The following SLC13A4 variants were observed in gnomAD, a reference collection of about 807,000 sequenced individuals.
The protein encoded by SLC13A4 is solute carrier family 13 member 4.
SLC13A4 carries 28 observed loss-of-function variants against 72.7 expected under a neutral mutation model. The ratio of observed to expected loss-of-function variants is 0.39; its 90% CI spans 0.29 to 0.53. SLC13A4 has a LOEUF of 0.53. Ranked by LOEUF, SLC13A4 falls within the 20% of genes least tolerant of loss-of-function variation. SLC13A4 has a pLI of 0.78. For missense variants in SLC13A4, 653 were observed against 788.0 expected (o/e 0.83, Z 2.05); for synonymous variants, 312 against 325.5 (o/e 0.96, Z 0.45).
intron 3 of SLC13A4, chr7:135,707,883 G>C (rs1343956976): frequency 1.1e-5 from 5 of 475,886 alleles, no homozygotes; most frequent in Non-Finnish European, 1.8e-5. Context: ...TTGCAGCCTA[G>C]GTCAATGGGT....
chr7:135,690,180 CAAAAAAA>C (rs57390577), intron 13 of SLC13A4, among the ~76,000 whole-genome samples: 7 of 29,610 alleles, frequency 2.4e-4, no homozygotes, highest in East Asian at 2.4e-3. Context: ...GACTCTGTCT[CAAAAAAA>C]AAAAAAAAAA....
At chr7:135,718,962 G>T (rs149310510) in intron 2 of SLC13A4, among the ~76,000 whole-genome samples, 1 of 152,302 alleles carries the variant, frequency 6.6e-6, no homozygotes, top group Non-Finnish European at 1.5e-5. Flanking sequence ...AGCTAAGAAG[G>T]TCAGCTAAAC....
At chr7:135,705,574 G>A (rs749436415) in intron 5 of SLC13A4, 22 bp downstream of exon 5, 1 of 1,612,420 alleles carries the variant, frequency 6.2e-7, no homozygotes, top group Non-Finnish European at 8.5e-7. Context: ...GGCGCTGTCT[G>A]GGAGAGGGCA....
intron 2 of SLC13A4, among the ~76,000 whole-genome samples, chr7:135,709,742 A>G (rs1478227554): frequency 1.3e-5 from 2 of 152,152 alleles, no homozygotes; most frequent in African/African-American, 4.8e-5. Context: ...CAGACTTTGA[A>G]GCCCAGTTCA....
intron 7 of SLC13A4, 133 bp downstream of exon 7, chr7:135,701,547 A>G: frequency 7.1e-6 from 6 of 849,438 alleles, no homozygotes; most frequent in Non-Finnish European, 1.2e-5. Context: ...CAGGCCAGAC[A>G]TGTATGAGAG....
At chr7:135,696,054 A>T (rs983168555) in intron 8 of SLC13A4, among the ~76,000 whole-genome samples, 1 of 152,182 alleles carries the variant, frequency 6.6e-6, no homozygotes, top group Non-Finnish European at 1.5e-5. Context: ...CAGCAGGCAG[A>T]GCTGTGGCCC....
intron 7 of SLC13A4, among the ~76,000 whole-genome samples, chr7:135,701,426 C>T (rs1191369177): frequency 7.4e-6 from 1 of 135,978 alleles, no homozygotes; most frequent in Non-Finnish European, 1.6e-5. Context: ...AGTTTGAGGA[C>T]CTCTGATCTA....
chr7:135,724,365 C>T (rs193268847), intron 1 of SLC13A4, among the ~76,000 whole-genome samples: 1,702 of 147,886 alleles, frequency 0.012, 30 homozygotes, highest in African/African-American at 0.043. Flanking sequence ...GGTGTGGTGG[C>T]ACATGCCTGT....
chr7:135,703,748 G>T (rs3112350), intron 5 of SLC13A4: 37,944 of 152,178 alleles, frequency 0.25, 5,261 homozygotes, highest in East Asian at 0.46. Flanking sequence ...ACACATGCGG[G>T]ATGTGGGTCC....
At chr7:135,715,410 TGTGTGTATGA>T (rs57682413) in intron 2 of SLC13A4, among the ~76,000 whole-genome samples, 27,133 of 145,168 alleles carry the variant, frequency 0.19, 2,649 homozygotes, top group Admixed American at 0.31. Flanking sequence ...TGTGTATGAG[TGTGTGTATGA>T]GTGTGTGAGC....
Position 135,721,499 on chromosome 7 carries a change from T to A in SLC13A4, c.124A>T (p.Ile42Phe). 5 of 1,614,054 alleles carry A rather than the reference T, an allele frequency of 3.1e-6. No individual in the cohort carries two copies. Among genetic ancestry groups the A allele is most frequent in the Non-Finnish European group, 4.2e-6 (5 of 1,179,956 alleles). ...SSEASCAYVLIVTAVYWVSEA... is the reference protein window; with the variant it reads ...SSEASCAYVLFVTAVYWVSEA... ...GACACCCAGTACACAGCAGTCACGA[T>A]CAGCACGTAAGCACACGAGGCCTCC... The change falls in exon 2 of 16, where the codon ATC (isoleucine) becomes TTC (phenylalanine). Residue 42 changes from isoleucine (I) to phenylalanine (F), a missense_variant. By Grantham distance (21) the Ile-to-Phe change is conservative. Coordinates refer to ENST00000682651, the MANE Select transcript of SLC13A4 (RefSeq NM_001318192.2).
chr7:135,721,737 C>T (rs1008814119), intron 1 of SLC13A4, among the ~76,000 whole-genome samples: 3 of 152,166 alleles, frequency 2.0e-5, no homozygotes, highest in African/African-American at 4.8e-5. Flanking sequence ...CTTCGGGGAC[C>T]GATGCCTGGC....
chr7:135,687,424 T>G lies in SLC13A4; in HGVS notation c.1447-1741A>C, dbSNP rs988412393. ...TGCCAGCATGTTACTTTTTCTCCTC[T>G]CTTCCAAATTCATCAAAAGCTCATT... On this transcript the variant is annotated intron_variant, in intron 13 of 15. Transcript: ENST00000682651. Among the ~76,000 whole-genome samples the G allele has an allele frequency of 2.0e-5, 3 of 152,232 alleles. No individual in the cohort carries two copies. The South Asian group carries it at 6.2e-4, about 31-fold the overall frequency.
chr7:135,722,779 C>G (rs1317117213), intron 1 of SLC13A4, among the ~76,000 whole-genome samples: 1 of 152,100 alleles, frequency 6.6e-6, no homozygotes, highest in Non-Finnish European at 1.5e-5. Flanking sequence ...TGTTTTGCAT[C>G]TAGAGACTGA....
intron 10 of SLC13A4, 105 bp from the exon 11 acceptor site, chr7:135,692,529 CAT>C: frequency 1.4e-6 from 1 of 720,634 alleles, no homozygotes; most frequent in Non-Finnish European, 2.3e-6. Flanking sequence ...ATACCCTAGA[CAT>C]AAAACACACT....
chr7:135,706,281 A>G lies in SLC13A4; in HGVS notation c.385T>C (p.Cys129Arg), dbSNP rs997166721. The change falls in exon 4 of 16, where the codon TGC (cysteine) becomes CGC (arginine). Residue 129 changes from cysteine (C) to arginine (R), a missense_variant. Transcript: ENST00000682651. The stretch of plus-strand genomic sequence containing the variant: ...CACATGGACAGCAACGTGGTACAGC[A>G]CATGAAGCAGAGCAGCAGCCTGGAA... Reference protein sequence around the residue: ...KPGMLLLCFMCCTTLLSMWLS... With the variant: ...KPGMLLLCFMRCTTLLSMWLS... 1.9e-6 allele frequency: 3 copies of G among 1,609,826 alleles called. No homozygotes were observed. The African/African-American group carries it at 4.0e-5, about 21-fold the overall frequency.
In SLC13A4 at chr7:135,708,220, G is replaced by T; in HGVS notation, c.259C>A (p.Leu87Met). Reference protein sequence around the residue: ...VAAEYFKNTTLLLVGVICVAA... With the variant: ...VAAEYFKNTTMLLVGVICVAA... The stretch of plus-strand genomic sequence containing the variant: ...ACGCAGATGACCCCCACCAGCAGCA[G>T]CGTGGTGTTCTTGAAGTACTCCGCC... The change falls in exon 3 of 16, where the codon CTG becomes ATG. Residue 87 changes from leucine to methionine, a missense_variant. Physicochemically the swap from Leu to Met is conservative, Grantham distance 15. Coordinates refer to ENST00000682651, the MANE Select transcript of SLC13A4 (RefSeq NM_001318192.2). The T allele has an allele frequency of 6.2e-7, 1 of 1,614,244 alleles. No individual in the cohort carries two copies. The highest frequency in any genetic ancestry group is 8.5e-7 in the Non-Finnish European group (1 of 1,180,040).
At chr7:135,725,924 G>T (rs1584745568) in intron 1 of SLC13A4, among the ~76,000 whole-genome samples, 1 of 152,256 alleles carries the variant, frequency 6.6e-6, no homozygotes, top group African/African-American at 2.4e-5. Context: ...AGCTACGATT[G>T]TGCCACCGCA....
At chr7:135,683,483 C>T (rs550644675) in intron 15 of SLC13A4, 8 of 984,134 alleles carry the variant, frequency 8.1e-6, no homozygotes, top group South Asian at 4.7e-5. Flanking sequence ...ATCCTCTCCC[C>T]CCCCGCTCAG....
Sources: allele counts gnomAD v4.1 joint callset (sites outside exome capture counted in the v4.1 genomes callset), GRCh38; gene constraint gnomAD v4.1.1; transcripts MANE v1.5; gene names NCBI Gene and HGNC (gene_info 2026-07-23, HGNC 2026-07-21).